Variants in C6 observed in about 807,000 individuals in gnomAD.
C6 encodes the protein complement component C6.
A neutral mutation model predicts 112.9 loss-of-function variants in C6; 101 were observed. The ratio of observed to expected loss-of-function variants is 0.89; its 90% confidence interval spans 0.76 to 1.06. The LOEUF (loss-of-function observed/expected upper bound fraction) is 1.06. Ranked by LOEUF, C6 falls within the 50% of genes least tolerant of loss-of-function variation. The pLI is 0.00. For synonymous variants in C6, 431 were observed against 384.1 expected, an observed-to-expected ratio of 1.12 and a Z score of -1.43; for missense variants, 1,202 against 1,104.6, an observed-to-expected ratio of 1.09 and a Z score of -1.25.
intron 9 of C6, among the ~76,000 whole-genome samples, chr5:41,162,981 T>G (rs374152033): frequency 1.3e-5 from 2 of 152,168 alleles, no homozygotes; most frequent in African/African-American, 4.8e-5. Context: ...TTTAGATTGA[T>G]ACCATGTATT....
chr5:41,208,803 C>A (rs1001412190), intron 1 of C6, among the ~76,000 whole-genome samples: 8 of 152,206 alleles, frequency 5.3e-5, no homozygotes, highest in Admixed American at 3.3e-4. Flanking sequence ...CAAGGAGGAG[C>A]TGGTACCATT....
intron 16 of C6, 102 bp from the exon 17 acceptor site, chr5:41,149,584 G>C: frequency 6.7e-7 from 1 of 1,493,418 alleles, no homozygotes; most frequent in South Asian, 1.1e-5. Flanking sequence ...GTTTTCTTTT[G>C]CCTGTTTTCC....
intron 1 of C6, among the ~76,000 whole-genome samples, chr5:41,221,043 A>T (rs1361788433): frequency 1.3e-5 from 2 of 151,402 alleles, no homozygotes; most frequent in Admixed American, 1.3e-4. Context: ...TAAAAAAAAA[A>T]ATAGAAACAC....
intron 1 of C6, among the ~76,000 whole-genome samples, chr5:41,253,793 T>G (rs1741513323): frequency 6.6e-6 from 1 of 152,266 alleles, no homozygotes; most frequent in African/African-American, 2.4e-5. Flanking sequence ...TATGGTATTT[T>G]TATTGTAATT....
chr5:41,259,202 C>T (rs1338161059), intron 1 of C6, among the ~76,000 whole-genome samples: 1 of 152,106 alleles, frequency 6.6e-6, no homozygotes, highest in Non-Finnish European at 1.5e-5. Flanking sequence ...TATTCAAATT[C>T]AAAATGATTA....
chr5:41,151,547 A>G (rs1438325114), intron 15 of C6, among the ~76,000 whole-genome samples: 1 of 152,214 alleles, frequency 6.6e-6, no homozygotes, highest in Non-Finnish European at 1.5e-5. Context: ...AGGAATTTAG[A>G]TATTCATGTC....
At chr5:41,227,086 G>T (rs750324084) in intron 1 of C6, among the ~76,000 whole-genome samples, 7 of 152,056 alleles carry the variant, frequency 4.6e-5, no homozygotes, top group Non-Finnish European at 1.0e-4. Flanking sequence ...GTGTGTAAGA[G>T]TTTTCTTTCC....
chr5:41,206,437 G>C (rs554737331), intron 1 of C6, among the ~76,000 whole-genome samples: 1 of 152,198 alleles, frequency 6.6e-6, no homozygotes, highest in Non-Finnish European at 1.5e-5. Context: ...TGAGCTAAAG[G>C]AGGATGTTTG....
intron 9 of C6, among the ~76,000 whole-genome samples, chr5:41,167,268 G>T (rs1331399982): frequency 6.6e-6 from 1 of 152,056 alleles, no homozygotes; most frequent in Non-Finnish European, 1.5e-5. Flanking sequence ...TCTTGAGAGA[G>T]AAAAAGAATT....
In C6 at chr5:41,201,603, T is replaced by G; in HGVS notation, c.255A>C (p.Gly85=). Residue 85 remains glycine (G), a synonymous_variant, in exon 3 of 18, where the codon GGA becomes GGC. Transcript: ENST00000337836. The part of the protein sequence containing the change: ...WQRCPINCLL[G]DFGPWSDCDP... ...CACAGTCTGACCATGGTCCAAAATC[T>G]CCCAGGAGGCAGTTGATGGGGCATC... 1 of 1,613,698 alleles carries G rather than the reference T, an allele frequency of 6.2e-7. No homozygotes were observed. Among genetic ancestry groups the G allele is most frequent in the Non-Finnish European group, 8.5e-7 (1 of 1,179,894 alleles).
At chr5:41,185,855 C>G (rs1441584465) in intron 6 of C6, among the ~76,000 whole-genome samples, 2 of 152,172 alleles carry the variant, frequency 1.3e-5, no homozygotes, top group African/African-American at 4.8e-5. Context: ...AGCTGTTTGA[C>G]TTCTGGAAAA....
intron 1 of C6, among the ~76,000 whole-genome samples, chr5:41,245,976 T>C (rs1205952547): frequency 1.3e-5 from 2 of 152,238 alleles, no homozygotes; most frequent in African/African-American, 4.8e-5. Flanking sequence ...ATTATCCCTC[T>C]GAAGAAGGTT....
chr5:41,235,058 CTTT>C (rs11340018), intron 1 of C6, among the ~76,000 whole-genome samples: 3,485 of 124,824 alleles, frequency 0.028, 142 homozygotes, highest in African/African-American at 0.094. Context: ...CATTCTCATT[CTTT>C]TTTTTTTTTT....
At chr5:41,199,980 T>G in intron 3 of C6, 68 bp from the exon 4 acceptor site, 5 of 1,459,338 alleles carry the variant, frequency 3.4e-6, no homozygotes, top group Non-Finnish European at 4.8e-6. Context: ...CTAAGAAAAC[T>G]GGGCTCCTCA....
At chr5:41,179,194 T>C (rs750148159) in intron 7 of C6, among the ~76,000 whole-genome samples, 1 of 152,190 alleles carries the variant, frequency 6.6e-6, no homozygotes, top group Non-Finnish European at 1.5e-5. Context: ...TGAATAACAG[T>C]AGTTTAATAT....
At chr5:41,159,712 T>C (rs889635878) in intron 11 of C6, among the ~76,000 whole-genome samples, 2 of 152,166 alleles carry the variant, frequency 1.3e-5, no homozygotes, top group East Asian at 1.9e-4. Context: ...ATGAAAACTT[T>C]GGTTGTGGCT....
chr5:41,250,037 C>T (rs976710918), intron 1 of C6, among the ~76,000 whole-genome samples: 5 of 152,226 alleles, frequency 3.3e-5, no homozygotes, highest in African/African-American at 1.2e-4. Context: ...TTTTCAGCTG[C>T]ATGCACAGAG....
At chr5:41,193,672 C>T (rs555778145) in intron 5 of C6, among the ~76,000 whole-genome samples, 2 of 152,044 alleles carry the variant, frequency 1.3e-5, no homozygotes, top group African/African-American at 4.8e-5. Flanking sequence ...GCTATTATTG[C>T]CTGATTCTTG....
At chr5:41,228,392 T>C (rs1033096674) in intron 1 of C6, among the ~76,000 whole-genome samples, 3 of 152,158 alleles carry the variant, frequency 2.0e-5, no homozygotes, top group African/African-American at 7.2e-5. Flanking sequence ...CATATAAGAT[T>C]GTGTTATCTG....
Sources: allele counts gnomAD v4.1 joint callset (sites outside exome capture counted in the v4.1 genomes callset), GRCh38; gene constraint gnomAD v4.1.1; transcripts MANE v1.5; gene names NCBI Gene and HGNC (gene_info 2026-07-23, HGNC 2026-07-21).